BARD1: variants seen among roughly 807,000 people sequenced by gnomAD.
BARD1 encodes BRCA1-associated RING domain protein 1.
BARD1 carries 73 observed loss-of-function variants against 77.0 expected under a neutral mutation model. The observed-to-expected ratio is 0.95, with a 90% CI of 0.79 to 1.15. The LOEUF (loss-of-function observed/expected upper bound fraction) is 1.15, where lower values mean the gene tolerates loss of function less well. Among genes scored for constraint, BARD1 ranks in the 50% most tolerant of loss-of-function variants. BARD1 has a pLI of 0.00. For missense variants in BARD1, 993 were observed against 938.8 expected, an observed-to-expected ratio of 1.06 and a Z score of -0.75; for synonymous variants, 384 against 338.0, an observed-to-expected ratio of 1.14 and a Z score of -1.49.
chr2:214,765,217 T>A (rs1445159763), intron 6 of BARD1, among the ~76,000 whole-genome samples: 1 of 152,194 alleles, frequency 6.6e-6, no homozygotes, highest in Non-Finnish European at 1.5e-5. Context: ...TACTGGACAG[T>A]GCTGAGGAAC....
rs587782475 is a variant in BARD1, at chr2:214,780,820, C to T, written c.1054G>A (p.Val352Met). The change falls in exon 4 of 11, where the codon GTG (valine) becomes ATG (methionine). Residue 352 changes from valine to methionine, a missense_variant. By Grantham distance (21) the Val-to-Met change is conservative. Coordinates refer to ENST00000260947, the MANE Select transcript of BARD1 (RefSeq NM_000465.4). ...GGCAATGGTATATTTTCTGAGGGCA[C>T]CGTTTGCTTAACAAAATCTCCACTG... ...STSGDFVKQT[V>M]PSENIPLPEC... The T allele has an allele frequency of 6.2e-7, 1 of 1,614,066 alleles. No individual in the cohort carries two copies. Among genetic ancestry groups the T allele is most frequent in the Non-Finnish European group, 8.5e-7 (1 of 1,180,000 alleles).
intron 3 of BARD1, among the ~76,000 whole-genome samples, chr2:214,784,326 A>G (rs1695172557): frequency 6.6e-6 from 1 of 152,228 alleles, no homozygotes; most frequent in Non-Finnish European, 1.5e-5. Context: ...CCACAATGAG[A>G]TATCATCTCA....
intron 3 of BARD1, among the ~76,000 whole-genome samples, chr2:214,784,696 C>A (rs1382151089): frequency 6.6e-6 from 1 of 152,102 alleles, no homozygotes; most frequent in Non-Finnish European, 1.5e-5. Context: ...ACTATACACC[C>A]ATAAAAAGAA....
rs878853998 is a variant in BARD1 at position 214,780,589 on chromosome 2, C to T, written c.1285G>A (p.Glu429Lys). 4.3e-6 allele frequency: 7 copies of T among 1,614,006 alleles called. No individual in the cohort carries two copies. The highest frequency in any genetic ancestry group is 5.9e-6 in the Non-Finnish European group (7 of 1,179,936). ...NMAVKRNHRG[E>K]TLLHIASIKG... ...ATAGAAGCAATATGGAGCAAAGTCTCTCCTCTATGATTTCTTTTCACAGCC... is the reference window on the plus strand; with the variant it reads ...ATAGAAGCAATATGGAGCAAAGTCTTTCCTCTATGATTTCTTTTCACAGCC... The change falls in exon 4 of 11, where the codon GAG (glutamate) becomes AAG (lysine). Residue 429 changes from glutamate (E) to lysine (K), a missense_variant. Transcript: ENST00000260947.
chr2:214,739,969 G>A (rs1692741791), intron 9 of BARD1, among the ~76,000 whole-genome samples: 1 of 151,246 alleles, frequency 6.6e-6, no homozygotes, highest in Non-Finnish European at 1.5e-5. Context: ...ACAAAACTTG[G>A]GTATCAATTC....
At chr2:214,772,133 T>A (rs913286782) in intron 4 of BARD1, among the ~76,000 whole-genome samples, 1 of 102,242 alleles carries the variant, frequency 9.8e-6, no homozygotes, top group African/African-American at 3.6e-5. Flanking sequence ...GCCCAGCTAA[T>A]TTTTTTTATT....
chr2:214,794,526 AT>A (rs1695670816), intron 2 of BARD1, among the ~76,000 whole-genome samples: 1 of 151,998 alleles, frequency 6.6e-6, no homozygotes, highest in Non-Finnish European at 1.5e-5. Context: ...TAAAATTGTT[AT>A]TTTTCCTTAC....
chr2:214,781,778 A>C (rs1022118753), intron 3 of BARD1, among the ~76,000 whole-genome samples: 1 of 152,166 alleles, frequency 6.6e-6, no homozygotes, highest in Non-Finnish European at 1.5e-5. Context: ...ACCCAAAAAA[A>C]CCCATAAAAT....
At chr2:214,780,463 T>C (rs1160271359) in intron 4 of BARD1, 97 bp downstream of exon 4, 1 of 1,029,218 alleles carries the variant, frequency 9.7e-7, no homozygotes, top group African/African-American at 1.6e-5. Flanking sequence ...GAAAGGTTAA[T>C]TATCCTAGTA....
intron 4 of BARD1, among the ~76,000 whole-genome samples, chr2:214,779,146 T>C (rs529732069): frequency 6.6e-6 from 1 of 152,256 alleles, no homozygotes; most frequent in African/African-American, 2.4e-5. Context: ...CCAAAGGATA[T>C]GTGGTCATGT....
At chr2:214,760,208 T>G (rs1338821524) in intron 6 of BARD1, among the ~76,000 whole-genome samples, 1 of 152,218 alleles carries the variant, frequency 6.6e-6, no homozygotes, top group Non-Finnish European at 1.5e-5. Context: ...ATTATTATTA[T>G]TTGAGACCGA....
At chr2:214,789,912 CAT>C (rs1429584860) in intron 3 of BARD1, among the ~76,000 whole-genome samples, 1 of 152,068 alleles carries the variant, frequency 6.6e-6, no homozygotes, top group Non-Finnish European at 1.5e-5. Flanking sequence ...GGAAAACAAA[CAT>C]AAAATGGCCT....
chr2:214,733,198 A>T (rs1161290943), intron 9 of BARD1, among the ~76,000 whole-genome samples: 2 of 152,164 alleles, frequency 1.3e-5, no homozygotes, highest in African/African-American at 4.8e-5. Flanking sequence ...CCTATATCAT[A>T]TTTATAGGCC....
chr2:214,774,516 AT>A, intron 4 of BARD1, among the ~76,000 whole-genome samples: 1 of 152,338 alleles, frequency 6.6e-6, no homozygotes, highest in South Asian at 2.1e-4. Context: ...TATTTTGAAT[AT>A]CTTTCCTGAA....
At chr2:214,764,360 G>GA (rs1274191776) in intron 6 of BARD1, among the ~76,000 whole-genome samples, 1 of 152,154 alleles carries the variant, frequency 6.6e-6, no homozygotes, top group African/African-American at 2.4e-5. Context: ...TACGACTGGG[G>GA]AGAAGTACCA....
Position 214,781,066 on chromosome 2 carries a change from C to T in BARD1, c.808G>A (p.Glu270Lys), listed in dbSNP as rs1060501288. 1 of 1,602,496 alleles carries T rather than the reference C, an allele frequency of 6.2e-7. No individual in the cohort carries two copies. Among genetic ancestry groups the T allele is most frequent in the Admixed American group, 1.7e-5 (1 of 57,856 alleles). The change falls in exon 4 of 11, where the codon GAA (glutamate) becomes AAA (lysine). Residue 270 changes from glutamate to lysine, a missense_variant. By Grantham distance (56) the Glu-to-Lys change is moderately conservative (BLOSUM62 1). Coordinates refer to ENST00000260947, the MANE Select transcript of BARD1 (RefSeq NM_000465.4). ...ACTTCAGTTAAACTTCCAAAACATT[C>T]AGATTCTGTCAAGGAGCCACTTGCT... ...LLASGSLTES[E>K]CFGSLTEVSL...
At chr2:214,752,586 A>C (rs1393088600) in intron 6 of BARD1, 31 bp from the exon 7 acceptor site, 17 of 1,529,688 alleles carry the variant, frequency 1.1e-5, no homozygotes, top group East Asian at 2.3e-5. Flanking sequence ...GTGTTTAAGT[A>C]AGTCAAATGT....
Position 214,752,507 on chromosome 2 carries a change from CAT to C in BARD1, c.1615_1616del (p.Met539GlufsTer11). 1 of 1,613,796 alleles carries C rather than the reference CAT, an allele frequency of 6.2e-7. No homozygotes were observed. The highest frequency in any genetic ancestry group is 1.3e-5 in the African/African-American group (1 of 75,026). ...TCTCTGGTAGCAGCAATAGCGATTT[CAT>C]ACTTTCATCATCTGTATAATCGACA... The part of the protein sequence containing the change: ...RPVDYTDDES[M>X]KSLLLLPEKN... On this transcript the variant is annotated frameshift_variant, in exon 7 of 11. Transcript: ENST00000260947. LOFTEE classifies it high-confidence loss of function.
chr2:214,781,165 G>C lies in BARD1; in HGVS notation c.709C>G (p.Gln237Glu), dbSNP rs587780035. The C allele has an allele frequency of 1.3e-4, 199 of 1,579,440 alleles. No individual in the cohort carries two copies. The highest frequency in any genetic ancestry group is 1.7e-4 in the Non-Finnish European group (195 of 1,168,886). ...GEFDSKEESK[Q>E]KLVSFCSQPS... The stretch of plus-strand genomic sequence containing the variant: ...TGGCTACAGAAGGATACCAGCTTTT[G>C]CTTAGATTCCTCTTTGGAGTCAAAT... The change falls in exon 4 of 11, where the codon CAA (glutamine) becomes GAA (glutamate). Residue 237 changes from glutamine to glutamate, a missense_variant. Coordinates refer to ENST00000260947, the MANE Select transcript of BARD1 (RefSeq NM_000465.4).
Sources: allele counts gnomAD v4.1 joint callset (sites outside exome capture counted in the v4.1 genomes callset), GRCh38; gene constraint gnomAD v4.1.1; transcripts MANE v1.5; gene names NCBI Gene and HGNC (gene_info 2026-07-23, HGNC 2026-07-21).